Variants in DPP10 observed in about 807,000 individuals in gnomAD.
The protein encoded by DPP10 is dipeptidyl peptidase like 10.
In DPP10, 33 loss-of-function variants were observed where a neutral mutation model predicts 120.9. The observed-to-expected ratio is 0.27, with a 90% CI of 0.21 to 0.37. The LOEUF (loss-of-function observed/expected upper bound fraction) is 0.37. DPP10 is among the 10% of genes least tolerant of loss of function. DPP10 has a pLI of 1.00. For synonymous variants in DPP10, 337 were observed against 326.1 expected (o/e 1.03, Z -0.36); for missense variants, 816 against 942.8 (o/e 0.87, Z 1.76).
At chr2:114,811,615 C>T (rs1217844667) in intron 1 of DPP10, among the ~76,000 whole-genome samples, 1 of 151,862 alleles carries the variant, frequency 6.6e-6, no homozygotes, top group Non-Finnish European at 1.5e-5. Context: ...ATTATCACCA[C>T]TCATCCCACC....
At chr2:115,378,786 C>G (rs183980067) in intron 3 of DPP10, among the ~76,000 whole-genome samples, 4,543 of 152,228 alleles carry the variant, frequency 0.03, 98 homozygotes, top group Non-Finnish European at 0.049. Flanking sequence ...TGTCAAAGGC[C>G]TTTTCTGCAT....
chr2:115,631,738 T>A (rs1182336364), intron 5 of DPP10, among the ~76,000 whole-genome samples: 1 of 152,190 alleles, frequency 6.6e-6, no homozygotes, highest in Non-Finnish European at 1.5e-5. Flanking sequence ...AGTTTCTTGA[T>A]CCTAAGTTCT....
At chr2:115,297,614 G>T (rs1193632210) in intron 1 of DPP10, among the ~76,000 whole-genome samples, 1 of 152,048 alleles carries the variant, frequency 6.6e-6, no homozygotes, top group African/African-American at 2.4e-5. Flanking sequence ...CATTGAAAAT[G>T]CAATGAGAAG....
intron 1 of DPP10, among the ~76,000 whole-genome samples, chr2:114,901,671 C>T (rs1396567015): frequency 1.3e-5 from 2 of 152,164 alleles, no homozygotes; most frequent in Non-Finnish European, 2.9e-5. Context: ...TCTCAATTGG[C>T]TTAGCTTACA....
In DPP10 at chr2:114,460,191, A is replaced by G. The variant is rs139534382; in HGVS notation, c.60+17353A>G. 1.1e-3 allele frequency among the ~76,000 whole-genome samples: 160 copies of G among 151,748 alleles called. 2 individuals are homozygous for G. In the East Asian group the frequency reaches 0.025, roughly 24 times the overall value. On this transcript the variant is annotated intron_variant, in intron 1 of 25. Coordinates refer to ENST00000410059, the MANE Select transcript of DPP10 (RefSeq NM_020868.6). Reference sequence around the variant, plus strand: ...ATGATATCTATCTATCTATCTATCTATCTATCTATCTATCTATCTATCTAT... The same window carrying G: ...ATGATATCTATCTATCTATCTATCTGTCTATCTATCTATCTATCTATCTAT...
chr2:114,490,278 C>A (rs1310029110), intron 1 of DPP10, among the ~76,000 whole-genome samples: 1 of 152,136 alleles, frequency 6.6e-6, no homozygotes, highest in Non-Finnish European at 1.5e-5. Flanking sequence ...AATGAGCTTT[C>A]TATTGGTGGT....
chr2:115,643,279 C>T (rs1374316710), intron 5 of DPP10, among the ~76,000 whole-genome samples: 1 of 152,152 alleles, frequency 6.6e-6, no homozygotes, highest in Non-Finnish European at 1.5e-5. Context: ...AATGGTTCTT[C>T]TTAATTGCTC....
intron 3 of DPP10, among the ~76,000 whole-genome samples, chr2:115,349,235 C>G (rs371178118): frequency 5.9e-5 from 9 of 152,066 alleles, no homozygotes; most frequent in African/African-American, 2.2e-4. Flanking sequence ...GATTCCAACA[C>G]AGATATTTTA....
intron 1 of DPP10, among the ~76,000 whole-genome samples, chr2:115,014,906 A>G (rs1702524140): frequency 6.6e-6 from 1 of 150,702 alleles, no homozygotes; most frequent in African/African-American, 2.4e-5. Context: ...ATTCACAGCC[A>G]AATTCTACCA....
intron 1 of DPP10, among the ~76,000 whole-genome samples, chr2:114,998,833 A>T (rs1376246927): frequency 2.0e-5 from 3 of 152,160 alleles, no homozygotes; most frequent in Admixed American, 2.0e-4. Flanking sequence ...TCTCAGAACT[A>T]GCAGCAGGAA....
At chr2:114,990,837 G>T (rs1030747661) in intron 1 of DPP10, among the ~76,000 whole-genome samples, 2 of 151,982 alleles carry the variant, frequency 1.3e-5, no homozygotes, top group African/African-American at 4.8e-5. Flanking sequence ...ACTTGCTGTC[G>T]CTGATAGTCC....
intron 1 of DPP10, among the ~76,000 whole-genome samples, chr2:114,567,752 A>G (rs1183803745): frequency 6.6e-6 from 1 of 152,170 alleles, no homozygotes; most frequent in African/African-American, 2.4e-5. Flanking sequence ...TCAGCAAACT[A>G]AGGTGGTAAC....
chr2:115,522,774 A>C (rs1193889722), intron 4 of DPP10, among the ~76,000 whole-genome samples: 1 of 152,142 alleles, frequency 6.6e-6, no homozygotes, highest in Non-Finnish European at 1.5e-5. Context: ...TTTCATTTCA[A>C]TAGTAATTAA....
chr2:114,824,655 T>C (rs1686372706), intron 1 of DPP10, among the ~76,000 whole-genome samples: 1 of 152,134 alleles, frequency 6.6e-6, no homozygotes, highest in South Asian at 2.1e-4. Flanking sequence ...ATAAATGTAC[T>C]TAGAATATTG....
intron 1 of DPP10, among the ~76,000 whole-genome samples, chr2:114,881,580 C>CTATCTGTT (rs1343884622): frequency 1.0e-5 from 1 of 97,220 alleles, no homozygotes; most frequent in Non-Finnish European, 2.1e-5. Context: ...ATCTATCTAT[C>CTATCTGTT]TGTCTGTCTG....
chr2:114,919,113 T>C (rs2106636213), intron 1 of DPP10, among the ~76,000 whole-genome samples: 1 of 150,498 alleles, frequency 6.6e-6, no homozygotes, highest in Non-Finnish European at 1.5e-5. Flanking sequence ...CAATGATCAC[T>C]CCAAGTTTTA....
intron 9 of DPP10, among the ~76,000 whole-genome samples, chr2:115,742,890 A>G (rs968123237): frequency 6.6e-6 from 1 of 152,070 alleles, no homozygotes; most frequent in Non-Finnish European, 1.5e-5. Flanking sequence ...AAACAAATAT[A>G]TTTGTATTTT....
intron 5 of DPP10, among the ~76,000 whole-genome samples, chr2:115,641,540 A>T (rs1302663522): frequency 6.6e-6 from 1 of 152,022 alleles, no homozygotes; most frequent in African/African-American, 2.4e-5. Context: ...CCTCTATCCT[A>T]GTATCCTGTT....
At chr2:115,120,244 T>C (rs1437872332) in intron 1 of DPP10, among the ~76,000 whole-genome samples, 1 of 152,188 alleles carries the variant, frequency 6.6e-6, no homozygotes, top group Non-Finnish European at 1.5e-5. Flanking sequence ...CCAGCTATAA[T>C]GCCAAGTCCT....
Sources: gnomAD v4.1 joint callset for allele counts (sites outside exome capture counted in the v4.1 genomes callset) on GRCh38, gnomAD v4.1.1 for gene constraint, MANE v1.5 for transcripts, NCBI Gene and HGNC (gene_info 2026-07-23, HGNC 2026-07-21) for gene names.